Variants in RBM46 observed in about 807,000 individuals in gnomAD.
The protein encoded by RBM46 is RNA binding motif protein 46.
RBM46 carries 12 observed loss-of-function variants against 43.3 expected under a neutral mutation model. The observed-to-expected ratio is 0.28, with a 90% CI of 0.18 to 0.45. The LOEUF (loss-of-function observed/expected upper bound fraction) is 0.45, where lower values mean the gene tolerates loss of function less well. Among genes scored for constraint, RBM46 ranks in the 20% least tolerant of loss-of-function variants. RBM46 has a pLI of 1.00. For missense variants in RBM46, 412 were observed against 639.1 expected, an observed-to-expected ratio of 0.64 and a Z score of 3.83; for synonymous variants, 205 against 207.6, an observed-to-expected ratio of 0.99 and a Z score of 0.11.
intron 1 of RBM46, among the ~76,000 whole-genome samples, chr4:154,793,291 C>T (rs773921338): frequency 6.6e-6 from 1 of 152,094 alleles, no homozygotes; most frequent in Non-Finnish European, 1.5e-5. Flanking sequence ...ATTTTCTAGA[C>T]TGTTATTTCT....
chr4:154,796,407 T>G (rs959210769), intron 1 of RBM46, among the ~76,000 whole-genome samples: 1 of 152,242 alleles, frequency 6.6e-6, no homozygotes, highest in African/African-American at 2.4e-5. Flanking sequence ...ATTGATGGCT[T>G]ACATTTTGTT....
At chr4:154,816,546 C>T (rs528705098) in intron 4 of RBM46, among the ~76,000 whole-genome samples, 52 of 152,072 alleles carry the variant, frequency 3.4e-4, no homozygotes, top group African/African-American at 7.0e-4. Context: ...TATGTGAAAA[C>T]GATTTATTTT....
chr4:154,786,124 T>TC (rs1733751319), intron 1 of RBM46, among the ~76,000 whole-genome samples: 1 of 152,190 alleles, frequency 6.6e-6, no homozygotes, highest in African/African-American at 2.4e-5. Flanking sequence ...CCTCGTTTTC[T>TC]CCCCCAGGCT....
chr4:154,826,934 C>T, intron 4 of RBM46: 2 of 1,304,800 alleles, frequency 1.5e-6, no homozygotes, highest in Non-Finnish European at 1.9e-6. Flanking sequence ...CATTAGATGA[C>T]CTAATTTCTT....
chr4:154,827,089 A>C, intron 4 of RBM46: 1 of 1,107,216 alleles, frequency 9.0e-7, no homozygotes, highest in Non-Finnish European at 1.1e-6. Flanking sequence ...ATATACACAC[A>C]CACATATAAA....
At chr4:154,803,158 T>G (rs1212802933) in intron 4 of RBM46, among the ~76,000 whole-genome samples, 1 of 152,200 alleles carries the variant, frequency 6.6e-6, no homozygotes, top group Non-Finnish European at 1.5e-5. Context: ...TCTCAAAAGT[T>G]CTTGGTTTAC....
In RBM46 at chr4:154,801,547, T is replaced by A. The variant is rs192293794; in HGVS notation, c.1402+1983T>A. Among the ~76,000 whole-genome samples the A allele has an allele frequency of 3.7e-3, 567 of 152,340 alleles. 4 individuals are homozygous for A. Among genetic ancestry groups the A allele is most frequent in the Middle Eastern group, 6.8e-3 (2 of 294 alleles). On this transcript the variant is annotated intron_variant, in intron 4 of 4. Transcript: ENST00000281722. The stretch of plus-strand genomic sequence containing the variant: ...AGAAAAATGGGTCTAAATATTATTT[T>A]GGAGTGGGATGTAATTAGTTGCTGA...
At chr4:154,808,507 A>G (rs1339869896) in intron 4 of RBM46, among the ~76,000 whole-genome samples, 1 of 151,796 alleles carries the variant, frequency 6.6e-6, no homozygotes, top group African/African-American at 2.4e-5. Context: ...TTTACTGGCC[A>G]GATTATGGGG....
chr4:154,807,022 C>A (rs1304228406), intron 4 of RBM46, among the ~76,000 whole-genome samples: 2 of 151,758 alleles, frequency 1.3e-5, no homozygotes, highest in African/African-American at 2.4e-5. Context: ...AATACTCCTT[C>A]TAATAAACTA....
intron 4 of RBM46, among the ~76,000 whole-genome samples, chr4:154,810,371 TC>T (rs1735117904): frequency 6.6e-6 from 1 of 152,180 alleles, no homozygotes; most frequent in Non-Finnish European, 1.5e-5. Flanking sequence ...ACAATTTAAT[TC>T]AACCTTGACA....
chr4:154,791,450 G>C (rs946738376), intron 1 of RBM46, among the ~76,000 whole-genome samples: 3 of 152,138 alleles, frequency 2.0e-5, no homozygotes, highest in African/African-American at 7.2e-5. Context: ...GAGCCCAAGA[G>C]TTCGAGACCA....
intron 4 of RBM46, among the ~76,000 whole-genome samples, chr4:154,818,910 T>C (rs1735593722): frequency 6.6e-6 from 1 of 152,142 alleles, no homozygotes; most frequent in African/African-American, 2.4e-5. Context: ...TTGAGTCTCT[T>C]TTGTGATTTC....
intron 1 of RBM46, among the ~76,000 whole-genome samples, chr4:154,788,242 T>C (rs1278034309): frequency 6.6e-6 from 1 of 152,248 alleles, no homozygotes; most frequent in African/African-American, 2.4e-5. Flanking sequence ...TTTGGTGTTT[T>C]AGTCATGAAG....
chr4:154,787,194 C>A (rs1302657315), intron 1 of RBM46: 2 of 152,044 alleles, frequency 1.3e-5, no homozygotes, highest in Non-Finnish European at 2.9e-5. Context: ...TGTCTTCTAT[C>A]TGAGGACAAA....
chr4:154,809,179 T>C (rs1735059218), intron 4 of RBM46, among the ~76,000 whole-genome samples: 1 of 152,090 alleles, frequency 6.6e-6, no homozygotes, highest in African/African-American at 2.4e-5. Context: ...TTTTATATCT[T>C]TACATTTTAT....
chr4:154,782,143 C>G (rs967865815), intron 1 of RBM46, among the ~76,000 whole-genome samples: 3 of 152,200 alleles, frequency 2.0e-5, no homozygotes, highest in Non-Finnish European at 4.4e-5. Flanking sequence ...GCCTCTCCCC[C>G]GACACACGGA....
At chr4:154,802,189 C>G (rs191829017) in intron 4 of RBM46, among the ~76,000 whole-genome samples, 11 of 152,186 alleles carry the variant, frequency 7.2e-5, no homozygotes, top group Admixed American at 6.5e-4. Context: ...GCTTGACTAC[C>G]TATGTAAGTG....
intron 1 of RBM46, among the ~76,000 whole-genome samples, chr4:154,792,875 G>C (rs1054533323): frequency 1.3e-5 from 2 of 152,172 alleles, no homozygotes; most frequent in Non-Finnish European, 2.9e-5. Flanking sequence ...GCTTTCTAAA[G>C]AGTTCAGATT....
At position 154,796,788 on chromosome 4, in the gene RBM46, C is replaced by T. The variant is rs1734374467; in HGVS notation, c.36C>T (p.Cys12=). The change falls in exon 2 of 5, where the codon TGC becomes TGT. Residue 12 remains cysteine (C), a synonymous_variant. Coordinates refer to ENST00000281722, the MANE Select transcript of RBM46 (RefSeq NM_144979.5). ...NEENIDGTNG[C]SKVRTGIQNE... is the part of the protein sequence containing the mutation. The stretch of plus-strand genomic sequence containing the variant: ...AAAATATAGATGGAACAAATGGATG[C>T]AGTAAAGTTCGAACTGGTATTCAGA... 6.2e-7 allele frequency: 1 copy of T among 1,612,158 alleles called. No homozygotes were observed. Among genetic ancestry groups the T allele is most frequent in the African/African-American group, 1.3e-5 (1 of 74,842 alleles).
Sources: gnomAD v4.1 joint callset for allele counts (sites outside exome capture counted in the v4.1 genomes callset) on GRCh38, gnomAD v4.1.1 for gene constraint, MANE v1.5 for transcripts, NCBI Gene and HGNC (gene_info 2026-07-23, HGNC 2026-07-21) for gene names.